Variants in TRIM74 observed in about 807,000 individuals in gnomAD.
TRIM74 encodes tripartite motif containing 74.
A neutral mutation model predicts 14.5 loss-of-function variants in TRIM74; 3 were observed. That is an observed-to-expected ratio of 0.21 (90% confidence interval 0.09 to 0.53). The LOEUF (loss-of-function observed/expected upper bound fraction) is 0.53, where lower values mean the gene tolerates loss of function less well. Ranked by LOEUF, TRIM74 falls within the 20% of genes least tolerant of loss-of-function variation. The pLI is 0.95. For synonymous variants in TRIM74, 10 were observed against 71.3 expected, an observed-to-expected ratio of 0.14 and a Z score of 4.33; for missense variants, 26 against 174.0, an observed-to-expected ratio of 0.15 and a Z score of 4.79.
At chr7:72,955,068 G>T (rs1198888530), downstream of TRIM74, 51 of 627,056 alleles carry the variant, frequency 8.1e-5, no homozygotes, top group Non-Finnish European at 1.2e-4. Flanking sequence ...ATGTGTGTGT[G>T]TATTATGTGT....
chr7:72,955,498 C>T (rs1244017590), downstream of TRIM74, among the ~76,000 whole-genome samples: 1 of 141,620 alleles, frequency 7.1e-6, no homozygotes, highest in African/African-American at 2.7e-5. Context: ...AGAAAAGGTC[C>T]TAGCAACTCC....
intron 1 of TRIM74, among the ~76,000 whole-genome samples, chr7:72,967,214 G>GAATCTC (rs1554507490): frequency 6.6e-6 from 1 of 151,280 alleles, no homozygotes; most frequent in African/African-American, 2.4e-5. Flanking sequence ...AGTTCTTTCT[G>GAATCTC]AATCTCAATC....
downstream of TRIM74, chr7:72,954,948 G>A (rs1798060707): frequency 1.7e-6 from 1 of 602,546 alleles, no homozygotes; most frequent in South Asian, 1.7e-5. Flanking sequence ...TTCTTCTCCA[G>A]TTCTTCAGTC....
chr7:72,955,616 G>C (rs1301675458), downstream of TRIM74, among the ~76,000 whole-genome samples: 6 of 150,618 alleles, frequency 4.0e-5, no homozygotes, highest in African/African-American at 1.5e-4. Flanking sequence ...ACCTGAAATG[G>C]GCCGGTTTGG....
downstream of TRIM74, among the ~76,000 whole-genome samples, chr7:72,955,709 G>A (rs1227607171): frequency 1.4e-5 from 2 of 139,998 alleles, no homozygotes; most frequent in East Asian, 2.2e-4. Context: ...GTCCCACTCC[G>A]TCACCCAGGC....
downstream of TRIM74, among the ~76,000 whole-genome samples, chr7:72,955,504 A>C (rs1798078705): frequency 7.1e-6 from 1 of 141,042 alleles, no homozygotes; most frequent in East Asian, 2.1e-4. Context: ...GGTCCTAGCA[A>C]CTCCAGGTCC....
At chr7:72,955,042 G>C (rs1396985046), downstream of TRIM74, 1 of 636,884 alleles carries the variant, frequency 1.6e-6, no homozygotes, top group Non-Finnish European at 2.9e-6. Flanking sequence ...ATGTGTATTG[G>C]TCATTTCATA....
chr7:72,966,382 T>TA (rs1278453706), intron 1 of TRIM74, among the ~76,000 whole-genome samples: 17 of 139,030 alleles, frequency 1.2e-4, no homozygotes, highest in Non-Finnish European at 2.4e-4. Flanking sequence ...CCCTTGAAGA[T>TA]ACGTGTGTGT....
chr7:72,967,007 CCT>C (rs1425816088), intron 1 of TRIM74: 2 of 143,812 alleles, frequency 1.4e-5, no homozygotes, highest in Non-Finnish European at 3.1e-5. Context: ...CAGCAACACC[CCT>C]GTGTCCCCAA....
chr7:72,966,325 T>C (rs1363366665), intron 1 of TRIM74, 150 bp from the exon 2 acceptor site: 32 of 409,108 alleles, frequency 7.8e-5, no homozygotes, highest in East Asian at 1.3e-4. Context: ...ACCTTGGGCC[T>C]CAGTTTCCAC....
chr7:72,955,124 T>TTTTTTC (rs782166604), downstream of TRIM74, among the ~76,000 whole-genome samples: 5 of 123,540 alleles, frequency 4.0e-5, no homozygotes, highest in Middle Eastern at 4.3e-3. Context: ...TTTTTTTTTT[T>TTTTTTC]CAGACAAAAA....
At chr7:72,963,620 C>T (rs1339061421) in intron 2 of TRIM74, among the ~76,000 whole-genome samples, 1 of 136,798 alleles carries the variant, frequency 7.3e-6, no homozygotes, top group African/African-American at 2.7e-5. Flanking sequence ...CCTGGAATCC[C>T]AGCACTTTGG....
chr7:72,963,719 A>C (rs1226927081), intron 2 of TRIM74, among the ~76,000 whole-genome samples: 9 of 146,052 alleles, frequency 6.2e-5, no homozygotes, highest in Non-Finnish European at 1.2e-4. Flanking sequence ...AAAAAAAAAA[A>C]AATTAAGCCC....
downstream of TRIM74, among the ~76,000 whole-genome samples, chr7:72,958,707 T>C (rs1798126783): frequency 1.8e-5 from 2 of 113,542 alleles, no homozygotes; most frequent in Admixed American, 8.8e-5. Flanking sequence ...TACAGGTATG[T>C]GCCACCACAC....
rs782690343 is a variant in TRIM74 at position 72,965,725 on chromosome 7, GC to G, written c.399+33del. 1.9e-4 allele frequency: 25 copies of G among 133,366 alleles called. 7 individuals are homozygous for G. Among genetic ancestry groups the G allele is most frequent in the South Asian group, 1.3e-3 (25 of 19,016 alleles). 8.3% of individuals were successfully genotyped at this position (133,366 alleles called of 1,614,324 possible). On this transcript the variant is annotated intron_variant, in intron 2 of 4. Coordinates refer to ENST00000285805, the MANE Select transcript of TRIM74 (RefSeq NM_198853.3). Reference sequence around the variant, plus strand: ...AGAGCACAGGATCCAGTCCCCGCGGGCCCCGCCGCCCCGCCTGCACCCTCAC... The same window carrying G: ...AGAGCACAGGATCCAGTCCCCGCGGGCCCGCCGCCCCGCCTGCACCCTCAC...
intron 1 of TRIM74, among the ~76,000 whole-genome samples, chr7:72,967,295 T>C (rs1798309812): frequency 1.3e-5 from 2 of 149,990 alleles, no homozygotes; most frequent in African/African-American, 4.9e-5. Flanking sequence ...TCTTGCTCTG[T>C]TGCCCAGGCT....
intron 1 of TRIM74, among the ~76,000 whole-genome samples, 197 bp from the exon 2 acceptor site, chr7:72,966,372 C>T (rs1798272284): frequency 7.1e-6 from 1 of 139,894 alleles, no homozygotes; most frequent in Non-Finnish European, 1.5e-5. Context: ...AAAAACTGGT[C>T]CCTTGAAGAT....
intron 1 of TRIM74, chr7:72,966,864 T>TCC (rs1798291560): frequency 8.3e-6 from 1 of 119,946 alleles, no homozygotes; most frequent in Non-Finnish European, 1.8e-5. Context: ...GGCCTCCCAC[T>TCC]ATGGCCTCAA....
intron 1 of TRIM74, among the ~76,000 whole-genome samples, chr7:72,967,248 G>GC (rs1404545566): frequency 2.0e-5 from 3 of 148,662 alleles, no homozygotes; most frequent in Non-Finnish European, 4.5e-5. Flanking sequence ...TCCTTTTTTG[G>GC]GGGGGGTGGG....
Sources: gnomAD v4.1 joint callset for allele counts (sites outside exome capture counted in the v4.1 genomes callset) on GRCh38, gnomAD v4.1.1 for gene constraint, MANE v1.5 for transcripts, NCBI Gene and HGNC (gene_info 2026-07-23, HGNC 2026-07-21) for gene names.